The following ADAMTS20 variants were observed in gnomAD, a reference collection of about 807,000 sequenced individuals.
ADAMTS20 encodes A disintegrin and metalloproteinase with thrombospondin motifs 20.
In ADAMTS20, 225 loss-of-function variants were observed where a neutral mutation model predicts 260.1. That is an observed-to-expected ratio of 0.87 (90% CI 0.78 to 0.97). The LOEUF (loss-of-function observed/expected upper bound fraction) is 0.97. ADAMTS20 is among the 50% of genes least tolerant of loss of function. ADAMTS20 has a pLI of 0.00. For missense variants in ADAMTS20, 2,400 were observed against 2,337.7 expected, an observed-to-expected ratio of 1.03 and a Z score of -0.55; for synonymous variants, 802 against 769.5, an observed-to-expected ratio of 1.04 and a Z score of -0.70.
intron 29 of ADAMTS20, among the ~76,000 whole-genome samples, chr12:43,385,021 G>T (rs112229875): frequency 0.018 from 2,811 of 152,220 alleles, 37 homozygotes; most frequent in Non-Finnish European, 0.028. Context: ...ACATCCTTGA[G>T]GAATCGCCAT....
intron 16 of ADAMTS20, among the ~76,000 whole-genome samples, chr12:43,441,764 G>A (rs1941670574): frequency 6.6e-6 from 1 of 152,000 alleles, no homozygotes; most frequent in Non-Finnish European, 1.5e-5. Context: ...CATTTGTTTG[G>A]CATTCCAGGA....
chr12:43,369,276 C>T lies in ADAMTS20; in HGVS notation c.5538+14G>A, dbSNP rs1215538558. On this transcript the variant is annotated intron_variant, in intron 37 of 38. Transcript: ENST00000389420. The stretch of plus-strand genomic sequence containing the variant: ...TCACAAAGAAAGAAAATTAATCAAA[C>T]AAATATGAAATACCTGTGGGCATCT... 1.4e-6 allele frequency: 2 copies of T among 1,449,816 alleles called. No homozygotes were observed. Among genetic ancestry groups the T allele is most frequent in the South Asian group, 1.5e-5 (1 of 65,284 alleles). 89.8% of individuals were successfully genotyped at this position (1,449,816 alleles called of 1,614,324 possible).
chr12:43,430,217 C>A (rs1338474206), intron 23 of ADAMTS20, 135 bp downstream of exon 23: 15 of 970,810 alleles, frequency 1.5e-5, no homozygotes, highest in Admixed American at 3.6e-5. Context: ...TATTTTTTTG[C>A]CTCTCTCTCA....
chr12:43,427,227 A>C, intron 27 of ADAMTS20, 81 bp downstream of exon 27: 1 of 1,452,242 alleles, frequency 6.9e-7, no homozygotes. Context: ...AAATCAGATT[A>C]TTGAACAGTA....
chr12:43,371,395 A>G (rs1007650817), intron 36 of ADAMTS20, among the ~76,000 whole-genome samples: 2 of 152,334 alleles, frequency 1.3e-5, no homozygotes, highest in African/African-American at 4.8e-5. Context: ...TGCGAACACA[A>G]CAGTGGGTGA....
intron 3 of ADAMTS20, among the ~76,000 whole-genome samples, chr12:43,527,972 TAAAC>T (rs1484509582): frequency 6.6e-6 from 1 of 152,086 alleles, no homozygotes; most frequent in Non-Finnish European, 1.5e-5. Context: ...CTAGATTTAA[TAAAC>T]AAATTCAGTA....
intron 18 of ADAMTS20, among the ~76,000 whole-genome samples, chr12:43,434,764 C>T (rs1212820849): frequency 2.0e-4 from 30 of 152,166 alleles, no homozygotes; most frequent in Non-Finnish European, 1.5e-5. Flanking sequence ...AAGAGGATTG[C>T]ACATCTCTAT....
intron 37 of ADAMTS20, among the ~76,000 whole-genome samples, chr12:43,358,334 C>T (rs1365882446): frequency 1.3e-5 from 2 of 152,162 alleles, no homozygotes; most frequent in Non-Finnish European, 2.9e-5. Flanking sequence ...AGCTTTACTT[C>T]TGTTCTTAGT....
At chr12:43,478,264 G>A (rs1402201020) in intron 7 of ADAMTS20, among the ~76,000 whole-genome samples, 1 of 151,898 alleles carries the variant, frequency 6.6e-6, no homozygotes, top group Non-Finnish European at 1.5e-5. Context: ...AATGTAAAAT[G>A]TGAAGGATGG....
At chr12:43,511,219 TCC>T (rs1317693691) in intron 3 of ADAMTS20, among the ~76,000 whole-genome samples, 1 of 152,112 alleles carries the variant, frequency 6.6e-6, no homozygotes, top group Non-Finnish European at 1.5e-5. Context: ...TCCCAAATGT[TCC>T]CGCTGTCTTC....
intron 28 of ADAMTS20, among the ~76,000 whole-genome samples, chr12:43,414,763 C>G (rs910010786): frequency 6.6e-6 from 1 of 151,952 alleles, no homozygotes; most frequent in African/African-American, 2.4e-5. Flanking sequence ...TGTACTAAAA[C>G]TAAACTAGTT....
chr12:43,493,207 A>G lies in ADAMTS20; in HGVS notation c.914T>C (p.Ile305Thr), dbSNP rs1942630790. 6.4e-7 allele frequency: 1 copy of G among 1,562,622 alleles called. No homozygotes were observed. The highest frequency in any genetic ancestry group is 8.7e-7 in the Non-Finnish European group (1 of 1,152,220). The change falls in exon 5 of 39, where the codon ATA (isoleucine) becomes ACA (threonine). Residue 305 changes from isoleucine (I) to threonine (T), a missense_variant. Transcript: ENST00000389420. ...KDPSIGNLIH[I>T]VVVKLVMIHR... is the part of the protein sequence containing the mutation. ...AATCATAACTAATTTTACCACTACT[A>G]TGTGTATCAAATTTCCAATACTTGG... is the stretch of plus-strand genomic sequence containing the variant.
intron 4 of ADAMTS20, among the ~76,000 whole-genome samples, chr12:43,493,856 C>G (rs1281607581): frequency 6.6e-6 from 1 of 152,160 alleles, no homozygotes; most frequent in Non-Finnish European, 1.5e-5. Context: ...AGAGGCAGAT[C>G]CATCTAGAAT....
intron 18 of ADAMTS20, among the ~76,000 whole-genome samples, chr12:43,435,531 C>T (rs1209135919): frequency 6.7e-6 from 1 of 150,056 alleles, no homozygotes; most frequent in Non-Finnish European, 1.5e-5. Context: ...CCCAGCTACT[C>T]GGGAGGCTGA....
At chr12:43,475,681 A>G (rs1273553459) in intron 7 of ADAMTS20, among the ~76,000 whole-genome samples, 2 of 149,696 alleles carry the variant, frequency 1.3e-5, no homozygotes, top group Non-Finnish European at 3.0e-5. Flanking sequence ...GCCCTCAGAA[A>G]TAACGCCGCA....
intron 29 of ADAMTS20, among the ~76,000 whole-genome samples, chr12:43,394,912 A>C (rs972731163): frequency 6.6e-6 from 1 of 152,078 alleles, no homozygotes; most frequent in South Asian, 2.1e-4. Flanking sequence ...TGGGGAATAA[A>C]AACTCTTAAT....
At position 43,354,159 on chromosome 12, in the gene ADAMTS20, T is replaced by C. The variant is rs1486871859; in HGVS notation, c.*50A>G. 2.3e-6 allele frequency: 3 copies of C among 1,331,766 alleles called. No individual in the cohort carries two copies. The highest frequency in any genetic ancestry group is 3.1e-6 in the Non-Finnish European group (3 of 960,560). 82.5% of individuals were successfully genotyped at this position (1,331,766 alleles called of 1,614,324 possible). On this transcript the variant is annotated 3_prime_UTR_variant, in exon 39 of 39. Coordinates refer to ENST00000389420, the MANE Select transcript of ADAMTS20 (RefSeq NM_025003.5). ...AAGAAATGAGCACCAGTTATTTGAA[T>C]ATTCCAGAGAATATCCCCTCTTTAG... is the stretch of plus-strand genomic sequence containing the variant.
At chr12:43,521,605 A>AT (rs374350615) in intron 3 of ADAMTS20, among the ~76,000 whole-genome samples, 3 of 152,130 alleles carry the variant, frequency 2.0e-5, no homozygotes, top group South Asian at 2.1e-4. Flanking sequence ...AAAATTACAT[A>AT]TTTTTTTAGA....
At chr12:43,427,646 G>A (rs966254768) in intron 26 of ADAMTS20, among the ~76,000 whole-genome samples, 177 bp from the exon 27 acceptor site, 5 of 152,116 alleles carry the variant, frequency 3.3e-5, no homozygotes, top group African/African-American at 9.7e-5. Context: ...AGTTATACTG[G>A]GAGCTTCATT....
Sources: gnomAD v4.1 joint callset for allele counts (sites outside exome capture counted in the v4.1 genomes callset) on GRCh38, gnomAD v4.1.1 for gene constraint, MANE v1.5 for transcripts, NCBI Gene and HGNC (gene_info 2026-07-23, HGNC 2026-07-21) for gene names.